Variants in ATP6V0A4 observed in about 807,000 individuals in gnomAD.
ATP6V0A4 encodes ATPase H+ transporting V0 subunit a4.
A neutral mutation model predicts 107.3 loss-of-function variants in ATP6V0A4; 86 were observed. That is an observed-to-expected ratio of 0.80 (90% CI 0.67 to 0.96). The LOEUF (loss-of-function observed/expected upper bound fraction) is 0.96. Ranked by LOEUF, ATP6V0A4 falls within the 40% of genes least tolerant of loss-of-function variation. The pLI, the probability that ATP6V0A4 is intolerant of heterozygous loss-of-function variation, is 0.00. For missense variants in ATP6V0A4, 908 were observed against 1,045.6 expected (o/e 0.87, Z 1.81); for synonymous variants, 353 against 381.4 (o/e 0.93, Z 0.87).
At chr7:138,794,920 C>CA (rs1200191566) in intron 1 of ATP6V0A4, among the ~76,000 whole-genome samples, 2 of 145,140 alleles carry the variant, frequency 1.4e-5, no homozygotes, top group African/African-American at 5.2e-5. Flanking sequence ...TTTTTTGAGA[C>CA]AGAGTCTCAC....
chr7:138,723,615 C>T (rs1439767185), intron 18 of ATP6V0A4, among the ~76,000 whole-genome samples: 1 of 150,326 alleles, frequency 6.7e-6, no homozygotes, highest in East Asian at 2.0e-4. Context: ...AACCTCTGTC[C>T]CCCAGTTCAA....
intron 1 of ATP6V0A4, among the ~76,000 whole-genome samples, chr7:138,795,086 G>C (rs1379619660): frequency 6.6e-6 from 1 of 152,058 alleles, no homozygotes; most frequent in African/African-American, 2.4e-5. Flanking sequence ...TTTTTTAGTA[G>C]AGATGGGATT....
chr7:138,791,796 T>A (rs1808423800), intron 1 of ATP6V0A4, among the ~76,000 whole-genome samples: 1 of 152,154 alleles, frequency 6.6e-6, no homozygotes, highest in African/African-American at 2.4e-5. Context: ...ATCACTCCAC[T>A]GAGGGAATAC....
chr7:138,779,139 C>T (rs918514335), intron 2 of ATP6V0A4, among the ~76,000 whole-genome samples: 5 of 152,050 alleles, frequency 3.3e-5, no homozygotes, highest in African/African-American at 1.2e-4. Context: ...CCAGGAGTTT[C>T]AGACCAGCCT....
intron 5 of ATP6V0A4, among the ~76,000 whole-genome samples, chr7:138,766,265 C>T (rs563419911): frequency 1.3e-4 from 19 of 149,224 alleles, no homozygotes; most frequent in African/African-American, 3.7e-4. Context: ...TGCAGTAGTG[C>T]GATCTCGGTT....
intron 19 of ATP6V0A4, among the ~76,000 whole-genome samples, chr7:138,718,153 GGGATGCAGTCACGGATGTC>G (rs1562980153): frequency 1.6e-5 from 2 of 128,274 alleles, no homozygotes; most frequent in African/African-American, 5.7e-5. Context: ...GAAGGAAGGG[GGGATGCAGTCACGGATGTC>G]TGTGGAGGGA....
chr7:138,756,858 G>A (rs1806538985), intron 8 of ATP6V0A4, among the ~76,000 whole-genome samples: 3 of 152,196 alleles, frequency 2.0e-5, no homozygotes, highest in African/African-American at 7.2e-5. Flanking sequence ...CCATTCAGAA[G>A]AGAATATTGC....
chr7:138,723,011 T>C (rs185533835), intron 18 of ATP6V0A4, among the ~76,000 whole-genome samples: 48 of 148,528 alleles, frequency 3.2e-4, no homozygotes, highest in African/African-American at 1.1e-3. Context: ...TGAGCCAAGA[T>C]TGTGCCACTG....
chr7:138,738,451 G>T (rs1805457826), intron 15 of ATP6V0A4, among the ~76,000 whole-genome samples: 1 of 152,160 alleles, frequency 6.6e-6, no homozygotes, highest in African/African-American at 2.4e-5. Context: ...CAGACCCTAA[G>T]ATCATCCCCG....
At chr7:138,760,141 C>T (rs1486720852) in intron 7 of ATP6V0A4, among the ~76,000 whole-genome samples, 2 of 152,070 alleles carry the variant, frequency 1.3e-5, no homozygotes, top group Admixed American at 6.6e-5. Context: ...TCACTAATTG[C>T]AATTAAGAAT....
intron 8 of ATP6V0A4, among the ~76,000 whole-genome samples, chr7:138,757,943 G>A (rs550256267): frequency 4.6e-5 from 7 of 152,318 alleles, no homozygotes; most frequent in South Asian, 2.1e-4. Flanking sequence ...GAGCTGCTGC[G>A]TTACATTATT....
At chr7:138,785,008 T>C (rs1007729821) in intron 2 of ATP6V0A4, among the ~76,000 whole-genome samples, 3 of 152,156 alleles carry the variant, frequency 2.0e-5, no homozygotes, top group Admixed American at 2.0e-4. Context: ...ATTAGGAAAA[T>C]ATTGCACACA....
At chr7:138,732,163 A>C (rs1584906863) in intron 17 of ATP6V0A4, among the ~76,000 whole-genome samples, 1 of 152,140 alleles carries the variant, frequency 6.6e-6, no homozygotes, top group South Asian at 2.1e-4. Context: ...TTCTATTTCA[A>C]TTATTATTCT....
At chr7:138,778,004 A>G (rs1335050688) in intron 2 of ATP6V0A4, among the ~76,000 whole-genome samples, 1 of 152,224 alleles carries the variant, frequency 6.6e-6, no homozygotes, top group East Asian at 1.9e-4. Context: ...AAACTCAGGC[A>G]CACAACACAT....
intron 15 of ATP6V0A4, among the ~76,000 whole-genome samples, chr7:138,734,777 CAAAAAAAAAAA>C (rs528307650): frequency 2.8e-5 from 3 of 108,936 alleles, no homozygotes; most frequent in Middle Eastern, 8.7e-3. Flanking sequence ...GACTCTGTCT[CAAAAAAAAAAA>C]AAAAAAAAAA....
chr7:138,736,950 A>C (rs1297410915), intron 15 of ATP6V0A4, among the ~76,000 whole-genome samples: 1 of 151,792 alleles, frequency 6.6e-6, no homozygotes, highest in Non-Finnish European at 1.5e-5. Flanking sequence ...CAGAGCAAGT[A>C]AATAGAAAAG....
chr7:138,726,889 C>T (rs527660897), intron 18 of ATP6V0A4, among the ~76,000 whole-genome samples: 8 of 152,024 alleles, frequency 5.3e-5, no homozygotes, highest in East Asian at 3.9e-4. Context: ...CATCTGGTGG[C>T]GCAAAGGAGA....
chr7:138,762,315 A>T (rs1806862868), intron 7 of ATP6V0A4, 25 bp downstream of exon 7: 5 of 1,613,118 alleles, frequency 3.1e-6, no homozygotes, highest in Non-Finnish European at 1.7e-6. Flanking sequence ...CCAGGGACCC[A>T]TCTACACACA....
chr7:138,707,099 A>G (rs1442675306), intron 21 of ATP6V0A4, among the ~76,000 whole-genome samples: 1 of 47,152 alleles, frequency 2.1e-5, no homozygotes, highest in African/African-American at 1.7e-4. Flanking sequence ...TGTGTATAAT[A>G]TATCATATAT....
Sources: allele counts gnomAD v4.1 joint callset (sites outside exome capture counted in the v4.1 genomes callset), GRCh38; gene constraint gnomAD v4.1.1; transcripts MANE v1.5; gene names NCBI Gene and HGNC (gene_info 2026-07-23, HGNC 2026-07-21).